The following SDK2 variants were observed in gnomAD, a reference collection of about 807,000 sequenced individuals.
SDK2 encodes protein sidekick-2.
A neutral mutation model predicts 253.9 loss-of-function variants in SDK2; 105 were observed. The observed-to-expected ratio is 0.41, with a 90% CI of 0.35 to 0.49. SDK2 has a LOEUF of 0.49. Ranked by LOEUF, SDK2 falls within the 20% of genes least tolerant of loss-of-function variation. SDK2 has a pLI of 0.06. For missense variants in SDK2, 2,608 were observed against 3,003.0 expected, an observed-to-expected ratio of 0.87 and a Z score of 3.07; for synonymous variants, 1,249 against 1,234.9, an observed-to-expected ratio of 1.01 and a Z score of -0.24.
At chr17:73,345,789 C>T (rs183872598) in intron 44 of SDK2, among the ~76,000 whole-genome samples, 4 of 152,290 alleles carry the variant, frequency 2.6e-5, no homozygotes, top group Admixed American at 2.6e-4. Context: ...ACCAGTGCTT[C>T]CTAGAGGACT....
chr17:73,392,219 C>G (rs1350910132), intron 27 of SDK2, among the ~76,000 whole-genome samples: 4 of 1,132 alleles, frequency 3.5e-3, no homozygotes, highest in Admixed American at 7.2e-3. Context: ...GGGAGGGGCA[C>G]TCTTCTGTGT....
chr17:73,632,316 T>A (rs886396184), intron 1 of SDK2, among the ~76,000 whole-genome samples: 1 of 152,252 alleles, frequency 6.6e-6, no homozygotes, highest in Non-Finnish European at 1.5e-5. Context: ...GCTGCCAGCA[T>A]GGCTAGATTA....
rs946960474 is a variant in SDK2 at position 73,639,663 on chromosome 17, C to T, written c.64+4362G>A. 2.6e-5 allele frequency among the ~76,000 whole-genome samples: 4 copies of T among 152,114 alleles called. No individual in the cohort carries two copies. The highest frequency in any genetic ancestry group is 4.4e-5 in the Non-Finnish European group (3 of 68,008). ...ACCCCGCAGGGCGCACACTAACACCCGACATCAATTCCAACTCAGCCTCCT... is the reference window on the plus strand; with the variant it reads ...ACCCCGCAGGGCGCACACTAACACCTGACATCAATTCCAACTCAGCCTCCT... On this transcript the variant is annotated intron_variant, in intron 1 of 44. Coordinates refer to ENST00000392650, the MANE Select transcript of SDK2 (RefSeq NM_001144952.2). This position sits in a 1 kb window ranked among gnomAD's most constrained non-coding sequence, Gnocchi z 4.3.
intron 2 of SDK2, among the ~76,000 whole-genome samples, chr17:73,483,641 ATGTG>A (rs1174506982): frequency 1.8e-4 from 15 of 83,688 alleles, no homozygotes; most frequent in African/African-American, 4.8e-4. Flanking sequence ...GTATATATAT[ATGTG>A]TGTGTGTGTG....
intron 40 of SDK2, among the ~76,000 whole-genome samples, chr17:73,354,288 C>T (rs1039406834): frequency 1.3e-5 from 2 of 152,256 alleles, no homozygotes; most frequent in African/African-American, 2.4e-5. Context: ...CTGAGCTTCC[C>T]TCAGATCCCC....
intron 1 of SDK2, among the ~76,000 whole-genome samples, chr17:73,549,432 A>C (rs2045019944): frequency 6.6e-6 from 1 of 152,084 alleles, no homozygotes; most frequent in Admixed American, 6.6e-5. Context: ...TCATCCATTC[A>C]CCCAAAAACC....
Position 73,386,511 on chromosome 17 carries a change from C to T in SDK2, c.4432G>A (p.Ala1478Thr). Residue 1478 changes from alanine (A) to threonine (T), a missense_variant, in exon 31 of 45, where the codon GCG becomes ACG. Transcript: ENST00000392650. ...PFTSYKFRVK[A>T]TNDIGDSEFS... ...TCGCTGTCGCCAATGTCATTGGTCGCCTTCACTCGGAACTTGTAGGACGTG... is the reference window on the plus strand; with the variant it reads ...TCGCTGTCGCCAATGTCATTGGTCGTCTTCACTCGGAACTTGTAGGACGTG... 1 of 1,561,110 alleles carries T rather than the reference C, an allele frequency of 6.4e-7. No homozygotes were observed. The highest frequency in any genetic ancestry group is 1.9e-5 in the Admixed American group (1 of 52,310).
chr17:73,393,794 A>C, intron 26 of SDK2, 45 bp from the exon 27 acceptor site: 29 of 1,404,074 alleles, frequency 2.1e-5, no homozygotes, highest in Non-Finnish European at 2.3e-5. Flanking sequence ...CCTGCATCTC[A>C]CCCATCTACA....
rs774785607 is a variant in SDK2 at position 73,555,640 on chromosome 17, G to A, written c.65-48043C>T. On this transcript the variant is annotated intron_variant, in intron 1 of 44. Transcript: ENST00000392650. ...ATCTCCCTCTCTGCCTCAATGTCCCGGAGCTCAACTGGGAAGATGAGGAAG... is the reference window on the plus strand; with the variant it reads ...ATCTCCCTCTCTGCCTCAATGTCCCAGAGCTCAACTGGGAAGATGAGGAAG... Among the ~76,000 whole-genome samples, 8 of 152,304 alleles carry A rather than the reference G, an allele frequency of 5.3e-5. No homozygotes were observed. In the Middle Eastern group the frequency reaches 0.01, roughly 194 times the overall value.
intron 3 of SDK2, among the ~76,000 whole-genome samples, chr17:73,459,519 C>A (rs995011497): frequency 4.6e-5 from 7 of 152,204 alleles, no homozygotes; most frequent in Non-Finnish European, 1.0e-4. Context: ...GGTTCTACAG[C>A]ATCCTGGAAG....
chr17:73,388,227 A>G (rs1301022815), intron 29 of SDK2, among the ~76,000 whole-genome samples, 190 bp from the exon 30 acceptor site: 1 of 152,108 alleles, frequency 6.6e-6, no homozygotes, highest in Non-Finnish European at 1.5e-5. Flanking sequence ...TCTCCTGGTT[A>G]GAGGCCCACC....
chr17:73,372,106 TG>T (rs2062738731), intron 36 of SDK2, among the ~76,000 whole-genome samples: 1 of 151,324 alleles, frequency 6.6e-6, no homozygotes, highest in Non-Finnish European at 1.5e-5. Flanking sequence ...GGGTGAGGAG[TG>T]GGTCGGGGCC....
intron 36 of SDK2, among the ~76,000 whole-genome samples, chr17:73,371,159 T>C (rs918566987): frequency 2.6e-5 from 4 of 152,110 alleles, no homozygotes; most frequent in South Asian, 2.1e-4. Context: ...CATTCACTCA[T>C]GCATTCATAC....
intron 2 of SDK2, among the ~76,000 whole-genome samples, chr17:73,505,811 T>TCAG (rs1478439833): frequency 6.6e-6 from 1 of 151,998 alleles, no homozygotes; most frequent in East Asian, 1.9e-4. Context: ...CTGGACCTCA[T>TCAG]CATCATCATC....
At position 73,348,716 on chromosome 17, in the gene SDK2, G is replaced by A. The variant is rs191673430; in HGVS notation, c.6048C>T (p.Pro2016=). Reference sequence around the variant, plus strand: ...AGTGCAGGCTGCCTGGGCTGGGCCTGGGGGGAGACCTGGAGAGAGCGGGGG... The same window carrying A: ...AGTGCAGGCTGCCTGGGCTGGGCCTAGGGGGAGACCTGGAGAGAGCGGGGG... The part of the protein sequence containing the change: ...RKNGLYTRSP[P]RPSPGSLHYS... The change falls in exon 44 of 45, where the codon CCC becomes CCT. Residue 2016 remains proline (P), a synonymous_variant. Transcript: ENST00000392650. The A allele has an allele frequency of 5.2e-5, 84 of 1,605,660 alleles. No individual in the cohort carries two copies. Among genetic ancestry groups the A allele is most frequent in the Non-Finnish European group, 7.0e-5 (82 of 1,178,096 alleles).
At position 73,639,629 on chromosome 17, in the gene SDK2, G is replaced by A. The variant is rs79599403; in HGVS notation, c.64+4396C>T. On this transcript the variant is annotated intron_variant, in intron 1 of 44. Coordinates refer to ENST00000392650, the MANE Select transcript of SDK2 (RefSeq NM_001144952.2). This position sits in a 1 kb window ranked among gnomAD's most constrained non-coding sequence, Gnocchi z 4.3. Reference sequence around the variant, plus strand: ...TGTGGCAACATGCTCCAGGGGGAGCGGGGTAGAAACCCCGCAGGGCGCACA... The same window carrying A: ...TGTGGCAACATGCTCCAGGGGGAGCAGGGTAGAAACCCCGCAGGGCGCACA... Among the ~76,000 whole-genome samples the A allele has an allele frequency of 1.5e-3, 224 of 152,166 alleles. 1 individual carries two copies. Among genetic ancestry groups the A allele is most frequent in the African/African-American group, 3.7e-3 (155 of 41,538 alleles).
chr17:73,600,793 C>G (rs991871169), intron 1 of SDK2, among the ~76,000 whole-genome samples: 4 of 152,192 alleles, frequency 2.6e-5, no homozygotes, highest in South Asian at 4.1e-4. Context: ...CCACTCCCCA[C>G]CGGATACCCT....
In SDK2 at chr17:73,438,169, G is replaced by A; in HGVS notation, c.726-15C>T. The A allele has an allele frequency of 1.3e-6, 2 of 1,546,438 alleles. No individual in the cohort carries two copies. Among genetic ancestry groups the A allele is most frequent in the Non-Finnish European group, 1.7e-6 (2 of 1,143,288 alleles). The stretch of plus-strand genomic sequence containing the variant: ...TGATCAGGGGCCTGCAGAGGGCAAG[G>A]GAAGGCCAGTGTTCAGCCATGAGGA... On this transcript the variant is annotated splice_polypyrimidine_tract_variant and intron_variant, in intron 6 of 44. Transcript: ENST00000392650.
chr17:73,409,846 T>A (rs2063111406), intron 18 of SDK2, among the ~76,000 whole-genome samples: 1 of 7,132 alleles, frequency 1.4e-4, no homozygotes, highest in South Asian at 0.038. Context: ...TCTGTCTGTC[T>A]GTCTCTGTCT....
Sources: gnomAD v4.1 joint callset for allele counts (sites outside exome capture counted in the v4.1 genomes callset) on GRCh38, gnomAD v4.1.1 for gene constraint, Gnocchi (gnomAD v3.1) non-coding constraint, MANE v1.5 for transcripts, NCBI Gene and HGNC (gene_info 2026-07-23, HGNC 2026-07-21) for gene names.